PDE4D: variants seen among roughly 807,000 people sequenced by gnomAD.
PDE4D encodes phosphodiesterase 4D.
Under a neutral mutation model 87.4 loss-of-function variants are expected in PDE4D, and 24 were observed. The ratio of observed to expected loss-of-function variants is 0.27; its 90% confidence interval spans 0.20 to 0.39. The LOEUF (loss-of-function observed/expected upper bound fraction) is 0.39, where lower values mean the gene tolerates loss of function less well. Ranked by LOEUF, PDE4D falls within the 10% of genes least tolerant of loss-of-function variation. The pLI, the probability that PDE4D is intolerant of heterozygous loss-of-function variation, is 1.00. For synonymous variants in PDE4D, 384 were observed against 383.2 expected, an observed-to-expected ratio of 1.00 and a Z score of -0.02; for missense variants, 714 against 1,041.0, an observed-to-expected ratio of 0.69 and a Z score of 4.32.
At chr5:59,914,866 G>GGTGTGTGT (rs3062699) in intron 3 of PDE4D, among the ~76,000 whole-genome samples, 3,966 of 122,468 alleles carry the variant, frequency 0.032, 114 homozygotes, top group South Asian at 0.064. Flanking sequence ...TACTGATAGG[G>GGTGTGTGT]GTGTGTGTGT....
chr5:59,377,989 T>C (rs1785017469), intron 1 of PDE4D, among the ~76,000 whole-genome samples: 1 of 152,166 alleles, frequency 6.6e-6, no homozygotes, highest in African/African-American at 2.4e-5. Flanking sequence ...TGTATGATCA[T>C]TGCAGCACTA....
intron 1 of PDE4D, among the ~76,000 whole-genome samples, chr5:59,830,038 T>C (rs1740947817): frequency 6.6e-6 from 1 of 152,090 alleles, no homozygotes; most frequent in African/African-American, 2.4e-5. Context: ...CTTGTCCCTA[T>C]TTAGTTACCA....
intron 1 of PDE4D, among the ~76,000 whole-genome samples, chr5:59,776,568 T>G (rs1023198553): frequency 4.6e-5 from 7 of 152,200 alleles, no homozygotes; most frequent in Admixed American, 3.9e-4. Context: ...TGGGAAACTT[T>G]TTTCCCTAAC....
intron 1 of PDE4D, among the ~76,000 whole-genome samples, chr5:60,417,873 G>T (rs1212277787): frequency 1.3e-5 from 2 of 150,956 alleles, no homozygotes; most frequent in Non-Finnish European, 2.9e-5. Context: ...AATGGTCAGG[G>T]TTTAAAGGGA....
intron 1 of PDE4D, among the ~76,000 whole-genome samples, chr5:59,531,740 G>C (rs1254098567): frequency 6.6e-6 from 1 of 152,170 alleles, no homozygotes; most frequent in Non-Finnish European, 1.5e-5. Context: ...CCTAACCAGG[G>C]AAAAGTCTTT....
rs971997426 is a variant in PDE4D at position 59,256,049 on chromosome 5, T to C, written c.456-40081A>G. ...TTTTTTGCACCTTTACACAAGTACATAGAGTAAATGTTAAAAAATGAAGTT... is the reference window on the plus strand; with the variant it reads ...TTTTTTGCACCTTTACACAAGTACACAGAGTAAATGTTAAAAAATGAAGTT... On this transcript the variant is annotated intron_variant, in intron 1 of 14. Transcript: ENST00000340635. Among the ~76,000 whole-genome samples the C allele has an allele frequency of 3.9e-5, 6 of 152,104 alleles. No homozygotes were observed. In the South Asian group the frequency reaches 8.3e-4, roughly 21 times the overall value.
At chr5:59,482,376 A>T (rs1804427288) in intron 1 of PDE4D, among the ~76,000 whole-genome samples, 1 of 152,194 alleles carries the variant, frequency 6.6e-6, no homozygotes, top group Non-Finnish European at 1.5e-5. Context: ...GAGAAGAGCC[A>T]CTTATTGTGG....
intron 5 of PDE4D, among the ~76,000 whole-genome samples, chr5:59,099,290 A>G (rs185255988): frequency 1.4e-3 from 219 of 152,320 alleles, no homozygotes; most frequent in African/African-American, 5.0e-3. Flanking sequence ...CAGATCCTTG[A>G]TCTATCAGTA....
chr5:60,431,784 C>T (rs1035541502), intron 1 of PDE4D, among the ~76,000 whole-genome samples: 3 of 152,378 alleles, frequency 2.0e-5, no homozygotes, highest in Admixed American at 2.0e-4. Context: ...CTGGGCACCA[C>T]TGAGCACTGA....
upstream of PDE4D, chr5:59,893,892 G>GGGT: frequency 9.1e-7 from 1 of 1,103,552 alleles, no homozygotes; most frequent in Non-Finnish European, 1.2e-6. Flanking sequence ...ACCAAGACTA[G>GGGT]GGTGCGCGGT....
intron 5 of PDE4D, among the ~76,000 whole-genome samples, chr5:59,105,168 C>T (rs1169648086): frequency 6.6e-6 from 1 of 152,128 alleles, no homozygotes. Context: ...GGTATATACA[C>T]CATATAGCCA....
intron 1 of PDE4D, among the ~76,000 whole-genome samples, chr5:59,658,572 G>A (rs1744752943): frequency 1.3e-5 from 2 of 152,196 alleles, no homozygotes; most frequent in African/African-American, 4.8e-5. Context: ...TAGTAGAGAT[G>A]GGGTTTCACC....
chr5:60,396,333 AC>A (rs903043279), intron 1 of PDE4D, among the ~76,000 whole-genome samples: 4 of 152,230 alleles, frequency 2.6e-5, no homozygotes, highest in Admixed American at 2.6e-4. Flanking sequence ...AGGAAGGTGA[AC>A]TGGGTTGGGC....
chr5:59,646,157 T>C (rs1266934094), intron 1 of PDE4D, among the ~76,000 whole-genome samples: 1 of 152,226 alleles, frequency 6.6e-6, no homozygotes, highest in Non-Finnish European at 1.5e-5. Context: ...TTTTACATCC[T>C]AAATAAATAT....
intron 1 of PDE4D, among the ~76,000 whole-genome samples, chr5:59,629,721 C>T (rs1831335584): frequency 6.6e-6 from 1 of 152,142 alleles, no homozygotes; most frequent in Non-Finnish European, 1.5e-5. Flanking sequence ...GATGAGGAAG[C>T]CATGCAAATT....
At chr5:60,457,361 G>A (rs1746553781) in intron 1 of PDE4D, among the ~76,000 whole-genome samples, 2 of 152,134 alleles carry the variant, frequency 1.3e-5, no homozygotes, top group Admixed American at 6.6e-5. Flanking sequence ...GAGATAGAAG[G>A]CTTGGCCTGA....
chr5:59,817,454 T>C (rs1769100132), intron 1 of PDE4D, among the ~76,000 whole-genome samples: 2 of 152,170 alleles, frequency 1.3e-5, no homozygotes, highest in African/African-American at 4.8e-5. Context: ...TAATGACCTA[T>C]TAAATATATG....
chr5:60,251,784 G>A (rs749303588), intron 1 of PDE4D, among the ~76,000 whole-genome samples: 3 of 151,812 alleles, frequency 2.0e-5, no homozygotes, highest in Non-Finnish European at 2.9e-5. Context: ...TGTAAATTTA[G>A]TGTACCGTTA....
In PDE4D at chr5:59,112,325, C is replaced by T. The variant is rs148197871; in HGVS notation, c.808+68270G>A. Among the ~76,000 whole-genome samples the T allele has an allele frequency of 5.8e-3, 881 of 152,230 alleles. 4 individuals are homozygous for T. Among genetic ancestry groups the T allele is most frequent in the Non-Finnish European group, 9.7e-3 (662 of 68,004 alleles). On this transcript the variant is annotated intron_variant, in intron 5 of 14. Transcript: ENST00000340635. ...GAAACAGGGGTCAAATTGGGCTACA[C>T]GTTGTGGGCCACAATAATCACTTTT...
Sources: gnomAD v4.1 joint callset for allele counts (sites outside exome capture counted in the v4.1 genomes callset) on GRCh38, gnomAD v4.1.1 for gene constraint, MANE v1.5 for transcripts, NCBI Gene and HGNC (gene_info 2026-07-23, HGNC 2026-07-21) for gene names.